C12orf42: variants seen among roughly 807,000 people sequenced by gnomAD.
The protein encoded by C12orf42 is chromosome 12 open reading frame 42.
C12orf42 carries 25 observed loss-of-function variants against 21.6 expected under a neutral mutation model. The observed-to-expected ratio is 1.16, with a 90% CI of 0.84 to 1.62. The LOEUF (loss-of-function observed/expected upper bound fraction) is 1.62. C12orf42 is among the 40% of genes most tolerant of loss of function. C12orf42 has a pLI of 0.00. For synonymous variants in C12orf42, 174 were observed against 175.0 expected, an observed-to-expected ratio of 0.99 and a Z score of 0.05; for missense variants, 483 against 459.3, an observed-to-expected ratio of 1.05 and a Z score of -0.47.
chr12:103,469,950 A>G (rs1026016001), intron 2 of C12orf42, among the ~76,000 whole-genome samples: 1 of 152,220 alleles, frequency 6.6e-6, no homozygotes. Flanking sequence ...TAAAATTAAC[A>G]TATTTGGGCC....
chr12:103,425,546 G>C (rs578250495), intron 2 of C12orf42, among the ~76,000 whole-genome samples: 4 of 152,172 alleles, frequency 2.6e-5, no homozygotes, highest in African/African-American at 4.8e-5. Context: ...AGGCAAACAG[G>C]GTCTGGAGTG....
chr12:103,150,235 A>G, the C12orf42 span, among the ~76,000 whole-genome samples: 1 of 152,196 alleles, frequency 6.6e-6, no homozygotes, highest in Non-Finnish European at 1.5e-5. Flanking sequence ...TACCTGGTTT[A>G]TGTTAGGCAC....
At chr12:103,094,011 G>T in the C12orf42 span, among the ~76,000 whole-genome samples, 1 of 152,172 alleles carries the variant, frequency 6.6e-6, no homozygotes, top group East Asian at 1.9e-4. Context: ...AGTCCAAAGT[G>T]TATTTGGCTA....
At chr12:103,189,599 G>T in the C12orf42 span, among the ~76,000 whole-genome samples, 3 of 152,152 alleles carry the variant, frequency 2.0e-5, no homozygotes, top group South Asian at 2.1e-4. Context: ...CCTGGGGTAG[G>T]CCTGAGAGAG....
chr12:103,249,526 A>G (rs1328978878), intron 10 of C12orf42, among the ~76,000 whole-genome samples: 1 of 151,978 alleles, frequency 6.6e-6, no homozygotes, highest in Non-Finnish European at 1.5e-5. Flanking sequence ...AGAGAGCAAA[A>G]TCCTATTGGA....
At chr12:103,411,378 T>A (rs1315292668) in intron 2 of C12orf42, among the ~76,000 whole-genome samples, 2 of 152,232 alleles carry the variant, frequency 1.3e-5, no homozygotes, top group East Asian at 3.8e-4. Context: ...TCTACTTTTT[T>A]TCATTTGATA....
chr12:103,248,911 G>A (rs1159444230), intron 10 of C12orf42, among the ~76,000 whole-genome samples: 1 of 151,894 alleles, frequency 6.6e-6, no homozygotes, highest in Non-Finnish European at 1.5e-5. Context: ...ACATATAATT[G>A]TTGAACCCCA....
chr12:103,408,308 G>A (rs556553541), intron 2 of C12orf42, among the ~76,000 whole-genome samples: 1 of 152,176 alleles, frequency 6.6e-6, no homozygotes, highest in Non-Finnish European at 1.5e-5. Context: ...AGCCAGATAG[G>A]TCAGCAGAGT....
the C12orf42 span, among the ~76,000 whole-genome samples, chr12:103,226,725 T>C: frequency 6.6e-6 from 1 of 151,934 alleles, no homozygotes; most frequent in Non-Finnish European, 1.5e-5. Flanking sequence ...CTCAGCCTGG[T>C]GAGGAACAGC....
chr12:103,177,961 A>G, the C12orf42 span, among the ~76,000 whole-genome samples: 1 of 152,196 alleles, frequency 6.6e-6, no homozygotes, highest in East Asian at 1.9e-4. Flanking sequence ...AGAAAAGAAT[A>G]AAGCGTGTTT....
chr12:103,433,416 G>A (rs1215783981), intron 2 of C12orf42, among the ~76,000 whole-genome samples: 1 of 152,090 alleles, frequency 6.6e-6, no homozygotes, highest in Non-Finnish European at 1.5e-5. Flanking sequence ...TTCAACCTCA[G>A]GACATATAAA....
chr12:103,075,598 C>T, the C12orf42 span, among the ~76,000 whole-genome samples: 22,492 of 152,110 alleles, frequency 0.15, 2,264 homozygotes, highest in Admixed American at 0.22. Flanking sequence ...TAATTTATAC[C>T]TCTTAATTCA....
At chr12:103,485,111 T>C (rs908831055) in intron 1 of C12orf42, among the ~76,000 whole-genome samples, 14 of 152,232 alleles carry the variant, frequency 9.2e-5, no homozygotes, top group African/African-American at 3.1e-4. Flanking sequence ...TCTCGTGATC[T>C]GCCCGCCTCG....
chr12:103,203,013 T>A, the C12orf42 span, among the ~76,000 whole-genome samples: 1 of 152,216 alleles, frequency 6.6e-6, no homozygotes, highest in Non-Finnish European at 1.5e-5. Context: ...GACTCAAGAT[T>A]TTGTGCCTGA....
chr12:103,290,871 T>C (rs1169349701), intron 4 of C12orf42, among the ~76,000 whole-genome samples: 2 of 151,634 alleles, frequency 1.3e-5, no homozygotes, highest in Non-Finnish European at 2.9e-5. Context: ...CTAGAGACTC[T>C]AAAGGGTGGA....
chr12:103,390,109 C>T (rs1374236801), intron 3 of C12orf42, among the ~76,000 whole-genome samples: 1 of 152,264 alleles, frequency 6.6e-6, no homozygotes, highest in Non-Finnish European at 1.5e-5. Flanking sequence ...GAAGGTTCTA[C>T]TGTCTGATTT....
intron 4 of C12orf42, among the ~76,000 whole-genome samples, chr12:103,334,447 C>A (rs1706878172): frequency 6.6e-6 from 1 of 152,178 alleles, no homozygotes; most frequent in Admixed American, 6.5e-5. Flanking sequence ...ACCAAGGAAT[C>A]TCTTTCATCT....
At chr12:103,521,544 A>G in the C12orf42 span, among the ~76,000 whole-genome samples, 1 of 152,124 alleles carries the variant, frequency 6.6e-6, no homozygotes. Context: ...GAGTGGTGGG[A>G]GGGAGAGCAT....
intron 3 of C12orf42, among the ~76,000 whole-genome samples, chr12:103,369,767 A>G (rs886084555): frequency 2.6e-5 from 4 of 152,106 alleles, no homozygotes; most frequent in African/African-American, 7.2e-5. Context: ...ACCTAAAACT[A>G]TAAAAACCCA....
Sources: allele counts gnomAD v4.1 joint callset (sites outside exome capture counted in the v4.1 genomes callset), GRCh38; gene constraint gnomAD v4.1.1; transcripts MANE v1.5; gene names NCBI Gene and HGNC (gene_info 2026-07-23, HGNC 2026-07-21).